TTC23: variants seen among roughly 807,000 people sequenced by gnomAD.
TTC23 encodes the protein tetratricopeptide repeat domain 23, also known as tetratricopeptide repeat protein 23.
A neutral mutation model predicts 55.1 loss-of-function variants in TTC23; 58 were observed. The observed-to-expected ratio is 1.05, with a 90% CI of 0.85 to 1.31. The LOEUF (loss-of-function observed/expected upper bound fraction) is 1.31. Ranked by LOEUF, TTC23 falls within the 50% of genes most tolerant of loss-of-function variation. The probability of loss-of-function intolerance (pLI) is 0.00; values close to 1 mark genes in which losing one functional copy is unlikely to be tolerated. For synonymous variants in TTC23, 203 were observed against 199.9 expected (o/e 1.02, Z -0.13); for missense variants, 516 against 534.4 (o/e 0.97, Z 0.34).
At chr15:99,145,540 AG>A (rs1314910541) in intron 12 of TTC23, among the ~76,000 whole-genome samples, 1 of 124,406 alleles carries the variant, frequency 8.0e-6, no homozygotes, top group African/African-American at 3.1e-5. Flanking sequence ...CAAACAGGGC[AG>A]GATGGGGATG....
intron 3 of TTC23, among the ~76,000 whole-genome samples, chr15:99,238,338 G>A (rs2079492878): frequency 6.6e-6 from 1 of 152,120 alleles, no homozygotes; most frequent in African/African-American, 2.4e-5. Flanking sequence ...CCAGGCTAAT[G>A]TATTACGCAG....
chr15:99,200,112 G>T lies in TTC23; in HGVS notation c.582-16C>A. The stretch of plus-strand genomic sequence containing the variant: ...TTGATACACCCTAAAAAAATCAAAG[G>T]AATTATTTTATTTAATAATTAAAAT... On this transcript the variant is annotated splice_polypyrimidine_tract_variant and intron_variant, in intron 8 of 13. Coordinates refer to ENST00000394132, the MANE Select transcript of TTC23 (RefSeq NM_001288615.3). 6.4e-7 allele frequency: 1 copy of T among 1,550,776 alleles called. No homozygotes were observed. Among genetic ancestry groups the T allele is most frequent in the Non-Finnish European group, 8.7e-7 (1 of 1,153,172 alleles).
At chr15:99,148,153 G>C (rs2069180653) in intron 12 of TTC23, among the ~76,000 whole-genome samples, 1 of 151,804 alleles carries the variant, frequency 6.6e-6, no homozygotes, top group Admixed American at 6.6e-5. Flanking sequence ...ATGAGGTCAG[G>C]AGTTTGAGAC....
At chr15:99,204,632 GTTTTT>G (rs56890685) in intron 8 of TTC23, among the ~76,000 whole-genome samples, 11 of 60,894 alleles carry the variant, frequency 1.8e-4, no homozygotes, top group Admixed American at 1.3e-3. Context: ...TAGATTTAAG[GTTTTT>G]TTTTTTTTTT....
intron 8 of TTC23, 96 bp downstream of exon 8, chr15:99,218,492 G>T: frequency 6.6e-7 from 1 of 1,509,944 alleles, no homozygotes; most frequent in Non-Finnish European, 9.1e-7. Flanking sequence ...AGCCATGGCC[G>T]CAGCCTCATG....
At chr15:99,222,727 G>A (rs2078050342) in intron 5 of TTC23, among the ~76,000 whole-genome samples, 1 of 152,156 alleles carries the variant, frequency 6.6e-6, no homozygotes, top group African/African-American at 2.4e-5. Context: ...GCTGGGCGTG[G>A]TGGCTCAAAC....
chr15:99,238,587 G>C (rs983172595), intron 3 of TTC23, among the ~76,000 whole-genome samples: 5 of 152,208 alleles, frequency 3.3e-5, no homozygotes, highest in Non-Finnish European at 7.3e-5. Context: ...AAGTGGGAAA[G>C]TGAAATACAT....
At chr15:99,154,273 T>C (rs2070239866) in intron 12 of TTC23, among the ~76,000 whole-genome samples, 1 of 152,212 alleles carries the variant, frequency 6.6e-6, no homozygotes, top group South Asian at 2.1e-4. Context: ...CATACAAATA[T>C]TGGCACAAAA....
In TTC23 at chr15:99,139,637, C is replaced by CA. The variant is rs1472880858; in HGVS notation, c.1144-239dup. 21 of 1,488,956 alleles carry CA rather than the reference C, an allele frequency of 1.4e-5. No homozygotes were observed. In the Admixed American group the frequency reaches 2.0e-4, roughly 14 times the overall value. The allele number at this position is 1,488,956 out of a possible 1,614,324, so 92.2% of individuals were successfully genotyped here. Reference sequence around the variant, plus strand: ...AAAACTCTCTGTGACTATCTGTATGCAAAAAATAGATTTAAAAGTAGTATT... The same window carrying CA: ...AAAACTCTCTGTGACTATCTGTATGCAAAAAAATAGATTTAAAAGTAGTATT... On this transcript the variant is annotated intron_variant, in intron 12 of 13. Coordinates refer to ENST00000394132, the MANE Select transcript of TTC23 (RefSeq NM_001288615.3).
At chr15:99,228,822 C>A in intron 4 of TTC23, 90 bp from the exon 5 acceptor site, 2 of 1,091,608 alleles carry the variant, frequency 1.8e-6, no homozygotes, top group Non-Finnish European at 2.5e-6. Context: ...CCCATAATTT[C>A]TTTGAAATTA....
intron 10 of TTC23, among the ~76,000 whole-genome samples, 190 bp from the exon 11 acceptor site, chr15:99,162,057 G>T (rs566205721): frequency 6.6e-6 from 1 of 152,186 alleles, no homozygotes; most frequent in Non-Finnish European, 1.5e-5. Context: ...GAAGGATACC[G>T]TAATTTACTT....
chr15:99,213,734 AT>A (rs560774102), intron 8 of TTC23, among the ~76,000 whole-genome samples: 24 of 152,348 alleles, frequency 1.6e-4, no homozygotes, highest in Admixed American at 9.1e-4. Flanking sequence ...GCTGTTAAGC[AT>A]AGGAGTAGTT....
chr15:99,215,037 G>C (rs1472609683), intron 8 of TTC23, among the ~76,000 whole-genome samples: 1 of 151,296 alleles, frequency 6.6e-6, no homozygotes, highest in African/African-American at 2.4e-5. Flanking sequence ...TGTATTTTTA[G>C]TAGAGACAGG....
rs540652703 is a variant in TTC23, at chr15:99,225,870, C to A, written c.180+2663G>T. The stretch of plus-strand genomic sequence containing the variant: ...AGAAACCTGCCAGACAGCACCTTAA[C>A]CAAGTGTTCAAGGTTGGCATCACTG... On this transcript the variant is annotated intron_variant, in intron 5 of 13. Transcript: ENST00000394132. Among the ~76,000 whole-genome samples the A allele has an allele frequency of 2.0e-5, 3 of 152,300 alleles. No homozygotes were observed. In the South Asian group the frequency reaches 6.2e-4, roughly 32 times the overall value.
chr15:99,193,171 C>T (rs1167465037), intron 9 of TTC23, among the ~76,000 whole-genome samples: 1 of 152,070 alleles, frequency 6.6e-6, no homozygotes, highest in African/African-American at 2.4e-5. Flanking sequence ...GACTTTGGAC[C>T]GTGGACTTCT....
intron 10 of TTC23, among the ~76,000 whole-genome samples, chr15:99,168,738 C>T (rs770999318): frequency 5.3e-5 from 8 of 152,170 alleles, no homozygotes; most frequent in African/African-American, 1.4e-4. Flanking sequence ...GAGGGGTCAA[C>T]GCACAAACTT....
At chr15:99,138,369 A>C (rs2067793077) in intron 13 of TTC23, among the ~76,000 whole-genome samples, 1 of 151,002 alleles carries the variant, frequency 6.6e-6, no homozygotes, top group Non-Finnish European at 1.5e-5. Context: ...GCTGGAGTGC[A>C]GTGGCCCCAT....
At chr15:99,197,445 G>A (rs117801118) in intron 9 of TTC23, among the ~76,000 whole-genome samples, 6,387 of 151,974 alleles carry the variant, frequency 0.042, 169 homozygotes, top group Non-Finnish European at 0.061. Context: ...CCTCAACAAA[G>A]TCATCAATGA....
chr15:99,189,562 A>G (rs191876902), intron 9 of TTC23, among the ~76,000 whole-genome samples: 52 of 152,240 alleles, frequency 3.4e-4, no homozygotes, highest in Admixed American at 6.5e-4. Context: ...GATGGATTTC[A>G]TGTGCCTCTG....
Sources: gnomAD v4.1 joint callset for allele counts (sites outside exome capture counted in the v4.1 genomes callset) on GRCh38, gnomAD v4.1.1 for gene constraint, MANE v1.5 for transcripts, NCBI Gene and HGNC (gene_info 2026-07-23, HGNC 2026-07-21) for gene names.